PMPCA: variants seen among roughly 807,000 people sequenced by gnomAD.
PMPCA encodes mitochondrial-processing peptidase subunit alpha.
PMPCA carries 47 observed loss-of-function variants against 59.3 expected under a neutral mutation model. That is an observed-to-expected ratio of 0.79 (90% CI 0.63 to 1.01). The LOEUF (loss-of-function observed/expected upper bound fraction) is 1.01, where lower values mean the gene tolerates loss of function less well. Among genes scored for constraint, PMPCA ranks in the 50% least tolerant of loss-of-function variants. The pLI is 0.00. For synonymous variants in PMPCA, 338 were observed against 290.3 expected, an observed-to-expected ratio of 1.16 and a Z score of -1.67; for missense variants, 726 against 704.5, an observed-to-expected ratio of 1.03 and a Z score of -0.34.
intron 2 of PMPCA, 144 bp from the exon 3 acceptor site, chr9:136,412,346 A>G (rs1477790805): frequency 2.5e-6 from 2 of 784,328 alleles, no homozygotes; most frequent in African/African-American, 1.7e-5. Context: ...TGAGCTACAC[A>G]TATACCTGTG....
intron 5 of PMPCA, among the ~76,000 whole-genome samples, chr9:136,415,258 A>ACC (rs1554789576): frequency 6.6e-6 from 1 of 152,196 alleles, no homozygotes; most frequent in Non-Finnish European, 1.5e-5. Context: ...AGGAAAAAAA[A>ACC]CCCACTGGTG....
chr9:136,416,867 G>A, intron 6 of PMPCA, 84 bp from the exon 7 acceptor site: 1 of 1,337,144 alleles, frequency 7.5e-7, no homozygotes, highest in Non-Finnish European at 1.0e-6. Flanking sequence ...AGGGCTGGCT[G>A]CAGATGGGCG....
chr9:136,419,974 C>T (rs1835402123), intron 11 of PMPCA: 1 of 150,656 alleles, frequency 6.6e-6, no homozygotes, highest in African/African-American at 2.4e-5. Flanking sequence ...TACAAATAAG[C>T]AAGTTTTATA....
At chr9:136,413,099 TC>T in intron 4 of PMPCA, 1 of 524,580 alleles carries the variant, frequency 1.9e-6, no homozygotes, top group Non-Finnish European at 3.4e-6. Context: ...CGTCAGTTCC[TC>T]CAGGCTGTTG....
At chr9:136,411,803 G>T (rs1835126045) in intron 1 of PMPCA, among the ~76,000 whole-genome samples, 194 bp from the exon 2 acceptor site, 1 of 152,248 alleles carries the variant, frequency 6.6e-6, no homozygotes, top group Non-Finnish European at 1.5e-5. Flanking sequence ...GACGGAACCA[G>T]CTTGCTCCAG....
At chr9:136,417,773 T>G (rs955233016) in intron 7 of PMPCA, among the ~76,000 whole-genome samples, 16 of 77,708 alleles carry the variant, frequency 2.1e-4, no homozygotes, top group East Asian at 5.4e-4. Flanking sequence ...ATACATATGT[T>G]TTTTTTTTTT....
In PMPCA at chr9:136,412,019, C is replaced by T. The variant is rs765195885; in HGVS notation, c.94C>T (p.Arg32Trp). ...RLRFGPPAYR[R>W]FSSGGAYPNI... ...TAGGTTTGGACCTCCTGCGTACAGACGGTTTAGTAGTGGTGGTGCCTATCC... is the reference window on the plus strand; with the variant it reads ...TAGGTTTGGACCTCCTGCGTACAGATGGTTTAGTAGTGGTGGTGCCTATCC... The change falls in exon 2 of 13, where the codon CGG becomes TGG. Residue 32 changes from arginine (R) to tryptophan (W), a missense_variant. Transcript: ENST00000371717. 65 of 1,611,826 alleles carry T rather than the reference C, an allele frequency of 4.0e-5. No individual in the cohort carries two copies. In the East Asian group the frequency reaches 5.8e-4, roughly 14 times the overall value.
At chr9:136,422,457 C>T (rs1588824970) in intron 12 of PMPCA, 1 of 1,074,072 alleles carries the variant, frequency 9.3e-7, no homozygotes, top group Non-Finnish European at 1.1e-6. Flanking sequence ...GTGCATCGGA[C>T]TCTTCTGGGG....
intron 11 of PMPCA, among the ~76,000 whole-genome samples, chr9:136,421,479 G>A (rs532653831): frequency 6.7e-6 from 1 of 149,806 alleles, no homozygotes; most frequent in African/African-American, 2.4e-5. Context: ...GTGCGATCTG[G>A]GCTCACTGCA....
chr9:136,416,495 T>G (rs748948035), intron 6 of PMPCA, 104 bp downstream of exon 6: 8 of 815,642 alleles, frequency 9.8e-6, no homozygotes, highest in Non-Finnish European at 2.1e-6. Flanking sequence ...TTGCAGGTTA[T>G]GGATATATAC....
chr9:136,417,935 A>C, intron 7 of PMPCA, 82 bp from the exon 8 acceptor site: 2 of 989,630 alleles, frequency 2.0e-6, no homozygotes, highest in Non-Finnish European at 3.2e-6. Context: ...CTGTGTAACC[A>C]CTCTGAAGAT....
chr9:136,418,346 G>C (rs1835342681), intron 8 of PMPCA, among the ~76,000 whole-genome samples: 1 of 150,768 alleles, frequency 6.6e-6, no homozygotes, highest in Admixed American at 6.6e-5. Context: ...GGGTGGCTCA[G>C]CTAGCTCTGC....
Position 136,412,560 on chromosome 9 carries a change from G to C in PMPCA, c.345G>C (p.Leu115Phe). ...LSGIAHFLEK[L>F]AFSSTARFDS... ...GAATTGCTCACTTTTTGGAAAAATT[G>C]GCATTTTCGGTCAGTACCCAGTTTT... is the stretch of plus-strand genomic sequence containing the variant. The change falls in exon 3 of 13, where the codon TTG becomes TTC. Residue 115 changes from leucine to phenylalanine, a missense_variant. Coordinates refer to ENST00000371717, the MANE Select transcript of PMPCA (RefSeq NM_015160.3). 1 of 1,574,644 alleles carries C rather than the reference G, an allele frequency of 6.4e-7. No homozygotes were observed. Among genetic ancestry groups the C allele is most frequent in the Non-Finnish European group, 8.7e-7 (1 of 1,146,376 alleles).
At chr9:136,411,561 C>G (rs188832871) in intron 1 of PMPCA, among the ~76,000 whole-genome samples, 12 of 152,238 alleles carry the variant, frequency 7.9e-5, no homozygotes, top group Non-Finnish European at 1.6e-4. Context: ...ATCAGTGTGA[C>G]CAGGACCTAT....
Position 136,418,019 on chromosome 9 carries a change from A to T in PMPCA, c.900A>T (p.Leu300=). Residue 300 remains leucine, a splice_region_variant and synonymous_variant, in exon 8 of 13, where the codon CTA becomes CTT. Coordinates refer to ENST00000371717, the MANE Select transcript of PMPCA (RefSeq NM_015160.3). Reference sequence around the variant, plus strand: ...CTTGCTTGTTTTCTTGGTTACAGCTAGAAAGAGACATGTCCAATGTCAGCC... The same window carrying T: ...CTTGCTTGTTTTCTTGGTTACAGCTTGAAAGAGACATGTCCAATGTCAGCC... ...VAQYTGGIAK[L]ERDMSNVSLG... 1 of 1,610,988 alleles carries T rather than the reference A, an allele frequency of 6.2e-7. No individual in the cohort carries two copies. Among genetic ancestry groups the T allele is most frequent in the Non-Finnish European group, 8.5e-7 (1 of 1,177,130 alleles).
rs567024111 is a variant in PMPCA at position 136,417,489 on chromosome 9, T to A, written c.897+275T>A. On this transcript the variant is annotated intron_variant, in intron 7 of 12. Transcript: ENST00000371717. Reference sequence around the variant, plus strand: ...GTGTTGCATTTTTTTTTTTTTTTTTTAGAGATGGAGCCTCGCTCTGTCACC... The same window carrying A: ...GTGTTGCATTTTTTTTTTTTTTTTTAAGAGATGGAGCCTCGCTCTGTCACC... Among the ~76,000 whole-genome samples, 237 of 151,440 alleles carry A rather than the reference T, an allele frequency of 1.6e-3. 1 individual carries two copies. Among genetic ancestry groups the A allele is most frequent in the African/African-American group, 5.0e-3 (206 of 41,328 alleles).
chr9:136,423,501 G>C lies in PMPCA; in HGVS notation c.*237G>C, dbSNP rs1835521206. ...AGCAGGTGAAGTGCCCAGCGCTGGA[G>C]TGCAGCGTGCCACGAGGAGGGCGGT... On this transcript the variant is annotated 3_prime_UTR_variant, in exon 13 of 13. Coordinates refer to ENST00000371717, the MANE Select transcript of PMPCA (RefSeq NM_015160.3). The C allele has an allele frequency of 4.0e-6, 2 of 505,242 alleles. No individual in the cohort carries two copies. Among genetic ancestry groups the C allele is most frequent in the Non-Finnish European group, 7.1e-6 (2 of 281,278 alleles). 31.3% of individuals were successfully genotyped at this position (505,242 alleles called of 1,614,324 possible). A position where few individuals can be genotyped will look rare whatever the true frequency, so the allele number is the denominator to read the frequency against.
At position 136,422,266 on chromosome 9, in the gene PMPCA, A is replaced by G. The variant is rs1297538257; in HGVS notation, c.1408+290A>G. 1.3e-5 allele frequency: 17 copies of G among 1,331,756 alleles called. No homozygotes were observed. The East Asian group carries it at 3.2e-4, about 25-fold the overall frequency. The allele number at this position is 1,331,756 out of a possible 1,614,324, so 82.5% of individuals were successfully genotyped here. A position where few individuals can be genotyped will look rare whatever the true frequency, so the allele number is the denominator to read the frequency against. On this transcript the variant is annotated intron_variant, in intron 12 of 12. Transcript: ENST00000371717. ...CTACTGCCCAGAGTTGTTAAAGAGC[A>G]CTCAAGTTAGTAGGCGAGAAGGGCT... is the stretch of plus-strand genomic sequence containing the variant.
chr9:136,423,704 C>T lies in PMPCA; in HGVS notation c.*440C>T, dbSNP rs141345021. ...TAAGGGCCCGGTCAGCTCCAAGGAG[C>T]GCGCTCCACGCGCGTGCACACAGCT... On this transcript the variant is annotated 3_prime_UTR_variant, in exon 13 of 13. Coordinates refer to ENST00000371717, the MANE Select transcript of PMPCA (RefSeq NM_015160.3). 55 of 170,456 alleles carry T rather than the reference C, an allele frequency of 3.2e-4. No homozygotes were observed. The East Asian group carries it at 4.4e-3, about 14-fold the overall frequency. The allele number at this position is 170,456 out of a possible 1,614,324, so 10.6% of individuals were successfully genotyped here.
Sources: allele counts gnomAD v4.1 joint callset (sites outside exome capture counted in the v4.1 genomes callset), GRCh38; gene constraint gnomAD v4.1.1; transcripts MANE v1.5; gene names NCBI Gene and HGNC (gene_info 2026-07-23, HGNC 2026-07-21).